Variants in GANAB observed in about 807,000 individuals in gnomAD.
GANAB encodes neutral alpha-glucosidase AB.
GANAB carries 35 observed loss-of-function variants against 129.9 expected under a neutral mutation model. The observed-to-expected ratio is 0.27, with a 90% confidence interval of 0.21 to 0.36. GANAB has a LOEUF of 0.36. Ranked by LOEUF, GANAB falls within the 10% of genes least tolerant of loss-of-function variation. The pLI is 1.00. For synonymous variants in GANAB, 482 were observed against 451.8 expected (o/e 1.07, Z -0.85); for missense variants, 939 against 1,221.0 (o/e 0.77, Z 3.44).
At chr11:62,638,784 C>T (rs936162250) in intron 4 of GANAB, among the ~76,000 whole-genome samples, 199 bp downstream of exon 4, 1 of 151,860 alleles carries the variant, frequency 6.6e-6, no homozygotes, top group Non-Finnish European at 1.5e-5. Context: ...TAATTGTTTG[C>T]TGAATGAATG....
At position 62,630,380 on chromosome 11, in the gene GANAB, T is replaced by C; in HGVS notation, c.1512A>G (p.Pro504=). 6.2e-7 allele frequency: 1 copy of C among 1,614,206 alleles called. No homozygotes were observed. Among genetic ancestry groups the C allele is most frequent in the Non-Finnish European group, 8.5e-7 (1 of 1,180,036 alleles). Residue 504 remains proline (P), a splice_region_variant and synonymous_variant, in exon 12 of 24, where the codon CCA becomes CCG. Transcript: ENST00000356638. Reference sequence around the variant, plus strand: ...TCCCTCAATTCTGGGTCTGCTTACCTGGCCAGCACCAGCCCTCATAGTCAG... The same window carrying C: ...TCCCTCAATTCTGGGTCTGCTTACCCGGCCAGCACCAGCCCTCATAGTCAG... The part of the protein sequence containing the change: ...DGSDYEGWCW[P]GSAGYPDFTN...
intron 15 of GANAB, 42 bp from the exon 16 acceptor site, chr11:62,629,337 A>G (rs1362911837): frequency 7.2e-7 from 1 of 1,387,772 alleles, no homozygotes; most frequent in African/African-American, 1.4e-5. Flanking sequence ...ATGGTAAAGG[A>G]GTTCAGCTTT....
intron 1 of GANAB, 179 bp from the exon 2 acceptor site, chr11:62,639,910 T>C (rs1311064755): frequency 1.7e-6 from 1 of 584,870 alleles, no homozygotes; most frequent in Non-Finnish European, 3.1e-6. Context: ...GGATCAGGCC[T>C]GAGAAGTTGG....
Position 62,639,410 on chromosome 11 carries a change from TAG to T in GANAB, c.199_200del (p.Leu67ThrfsTer5), listed in dbSNP as rs764623121. On this transcript the variant is annotated frameshift_variant, in exon 3 of 24. Coordinates refer to ENST00000356638, the MANE Select transcript of GANAB (RefSeq NM_198334.3). LOFTEE classifies it high-confidence loss of function. ...LSPYRALLDS[L>X]QLGPDSLTVH... ...CCGTGAGGGAATCAGGACCAAGCTG[TAG>T]AGAGTCCAGCAAGGCTCGGTATGGA... is the stretch of plus-strand genomic sequence containing the variant. 3.1e-6 allele frequency: 5 copies of T among 1,613,602 alleles called. No homozygotes were observed. The highest frequency in any genetic ancestry group is 1.1e-5 in the South Asian group (1 of 91,062).
At chr11:62,633,950 T>C (rs1943815562) in intron 5 of GANAB, 2 of 350,070 alleles carry the variant, frequency 5.7e-6, no homozygotes, top group South Asian at 4.1e-5. Flanking sequence ...TCTACAGACA[T>C]ACATAGGGAC....
chr11:62,645,537 C>CA (rs11322640), intron 1 of GANAB, among the ~76,000 whole-genome samples: 4,093 of 129,696 alleles, frequency 0.032, 194 homozygotes, highest in African/African-American at 0.11. Flanking sequence ...CTCTGTCTCT[C>CA]AAAAAAAAAA....
rs1944115614 is a variant in GANAB, at chr11:62,639,392, G to A, written c.219C>T (p.Ser73=). The A allele has an allele frequency of 1.2e-6, 2 of 1,612,806 alleles. No homozygotes were observed. The highest frequency in any genetic ancestry group is 1.7e-6 in the Non-Finnish European group (2 of 1,179,052). The change falls in exon 3 of 24, where the codon TCC becomes TCT. Residue 73 remains serine, a synonymous_variant. Coordinates refer to ENST00000356638, the MANE Select transcript of GANAB (RefSeq NM_198334.3). ...CCTCATGGATCAGATGGACCGTGAG[G>A]GAATCAGGACCAAGCTGTAGAGAGT... ...LLDSLQLGPD[S]LTVHLIHEVT... is the part of the protein sequence containing the mutation.
intron 1 of GANAB, among the ~76,000 whole-genome samples, chr11:62,642,749 A>C (rs1156250798): frequency 6.6e-6 from 1 of 151,922 alleles, no homozygotes; most frequent in Admixed American, 6.6e-5. Context: ...AGTTTTTTTA[A>C]AGTTCCCTAA....
chr11:62,645,431 G>C (rs540003781), intron 1 of GANAB, among the ~76,000 whole-genome samples: 2 of 152,132 alleles, frequency 1.3e-5, no homozygotes, highest in Admixed American at 6.5e-5. Context: ...AGCTACTCGG[G>C]AGGCTGAGGC....
At chr11:62,631,989 T>C (rs1035896464) in intron 9 of GANAB, among the ~76,000 whole-genome samples, 14 of 151,776 alleles carry the variant, frequency 9.2e-5, no homozygotes, top group Admixed American at 3.3e-4. Flanking sequence ...TTTTTTTTTT[T>C]CTGAAACAGA....
chr11:62,640,576 G>T (rs1267357938), intron 1 of GANAB, among the ~76,000 whole-genome samples: 4 of 142,110 alleles, frequency 2.8e-5, no homozygotes, highest in East Asian at 2.1e-4. Flanking sequence ...GCTCATGCCT[G>T]TAATCCCAGC....
At chr11:62,645,778 T>C (rs530495868) in intron 1 of GANAB, among the ~76,000 whole-genome samples, 1 of 152,282 alleles carries the variant, frequency 6.6e-6, no homozygotes, top group East Asian at 1.9e-4. Context: ...TTGTTTCAGA[T>C]CACAGGCTCC....
In GANAB at chr11:62,628,682, TGAA is replaced by T. The variant is rs1943517640; in HGVS notation, c.2180+84_2180+86del. On this transcript the variant is annotated intron_variant, in intron 17 of 23. Transcript: ENST00000356638. ...CCATCCTTTACAAGGCTGTAGTGAG[TGAA>T]GAAAGAGACCCAGAGATGAAGCCCA... The T allele has an allele frequency of 9.4e-6, 13 of 1,376,364 alleles. No individual in the cohort carries two copies. In the South Asian group the frequency reaches 1.6e-4, roughly 17 times the overall value. 85.3% of individuals were successfully genotyped at this position (1,376,364 alleles called of 1,614,324 possible).
Position 62,629,134 on chromosome 11 carries a change from G to T in GANAB, c.1936+60C>A, listed in dbSNP as rs1409150163. ...TCTTTGCTTACAACACCTTGGTCCT[G>T]TGCCCTCTACTTTGCCCCTTTCCCA... On this transcript the variant is annotated intron_variant, in intron 16 of 23. Transcript: ENST00000356638. 2.6e-6 allele frequency: 4 copies of T among 1,534,492 alleles called. No homozygotes were observed. In the East Asian group the frequency reaches 9.0e-5, roughly 34 times the overall value.
Position 62,627,365 on chromosome 11 carries a change from G to T in GANAB, c.2181-12C>A, listed in dbSNP as rs777411181. 1.0e-5 allele frequency: 15 copies of T among 1,475,052 alleles called. No individual in the cohort carries two copies. Among genetic ancestry groups the T allele is most frequent in the Admixed American group, 5.0e-5 (3 of 59,602 alleles). 91.4% of individuals were successfully genotyped at this position (1,475,052 alleles called of 1,614,324 possible). ...GCACCCACAGGGGCCTAGGAAGGAA[G>T]AAAGACAATAAAGGAAAACTTTTCA... is the stretch of plus-strand genomic sequence containing the variant. On this transcript the variant is annotated splice_polypyrimidine_tract_variant and intron_variant, in intron 17 of 23. Coordinates refer to ENST00000356638, the MANE Select transcript of GANAB (RefSeq NM_198334.3).
intron 13 of GANAB, 105 bp downstream of exon 13, chr11:62,630,092 G>T: frequency 1.5e-6 from 2 of 1,290,740 alleles, no homozygotes; most frequent in Non-Finnish European, 2.2e-6. Context: ...AAGGCCCCCT[G>T]ATATGTTGCA....
At chr11:62,629,343 G>A (rs1943552683) in intron 15 of GANAB, 48 bp from the exon 16 acceptor site, 1 of 1,320,890 alleles carries the variant, frequency 7.6e-7, no homozygotes, top group East Asian at 2.3e-5. Flanking sequence ...AAGGAGTTCA[G>A]CTTTTTACAT....
chr11:62,646,078 G>A (rs912234705), intron 1 of GANAB, among the ~76,000 whole-genome samples: 3 of 152,212 alleles, frequency 2.0e-5, no homozygotes, highest in East Asian at 3.8e-4. Context: ...GAAGACAAGG[G>A]CAGAGGAGGA....
At chr11:62,635,189 CTT>C (rs542351323) in intron 4 of GANAB, among the ~76,000 whole-genome samples, 189 bp from the exon 5 acceptor site, 5 of 145,294 alleles carry the variant, frequency 3.4e-5, no homozygotes, top group Admixed American at 1.4e-4. Context: ...TTACTTTTTT[CTT>C]TTTTTTTTTT....
Sources: gnomAD v4.1 joint callset for allele counts (sites outside exome capture counted in the v4.1 genomes callset) on GRCh38, gnomAD v4.1.1 for gene constraint, MANE v1.5 for transcripts, NCBI Gene and HGNC (gene_info 2026-07-23, HGNC 2026-07-21) for gene names.